The following AKAP13 variants were observed in gnomAD, a reference collection of about 807,000 sequenced individuals.
AKAP13 encodes A-kinase anchor protein 13.
AKAP13 carries 80 observed loss-of-function variants against 264.5 expected under a neutral mutation model. The ratio of observed to expected loss-of-function variants is 0.30; its 90% CI spans 0.25 to 0.36. The LOEUF (loss-of-function observed/expected upper bound fraction) is 0.36, where lower values mean the gene tolerates loss of function less well. Among genes scored for constraint, AKAP13 ranks in the 10% least tolerant of loss-of-function variants. The pLI, the probability that AKAP13 is intolerant of heterozygous loss-of-function variation, is 1.00. For synonymous variants in AKAP13, 1,380 were observed against 1,250.2 expected (o/e 1.10, Z -2.19); for missense variants, 3,712 against 3,435.2 (o/e 1.08, Z -2.01).
intron 2 of AKAP13, among the ~76,000 whole-genome samples, chr15:85,500,314 T>G (rs1034353622): frequency 1.3e-5 from 2 of 152,206 alleles, no homozygotes; most frequent in Non-Finnish European, 2.9e-5. Context: ...CTTGGAACAC[T>G]CTGTGTTTGC....
chr15:85,603,699 G>A (rs1398581389), intron 8 of AKAP13, among the ~76,000 whole-genome samples: 1 of 152,158 alleles, frequency 6.6e-6, no homozygotes, highest in African/African-American at 2.4e-5. Context: ...GAAATTTATT[G>A]TTGTATTCAC....
Position 85,655,594 on chromosome 15 carries a change from G to A in AKAP13, c.4552G>A (p.Ala1518Thr), listed in dbSNP as rs1235573317. The A allele has an allele frequency of 6.2e-7, 1 of 1,614,238 alleles. No homozygotes were observed. The highest frequency in any genetic ancestry group is 1.1e-5 in the South Asian group (1 of 91,090). ...LDGFYSHGMG[A>T]EGRESESEPA... ...TGGATTCTACAGCCATGGGATGGGA[G>A]CTGAGGGTCGAGAAAGTGAGAGTGA... Residue 1518 changes from alanine to threonine, a missense_variant, in exon 11 of 37, where the codon GCT (alanine) becomes ACT (threonine). Ala to Thr is a moderately conservative substitution (Grantham distance 58, BLOSUM62 0). This residue lies in a region of AKAP13 where 2,759 missense variants were observed against 2,411.7 expected (regional missense o/e 1.14). Coordinates refer to ENST00000394518, the MANE Select transcript of AKAP13 (RefSeq NM_007200.5).
chr15:85,456,031 C>T (rs2074269373), intron 1 of AKAP13, among the ~76,000 whole-genome samples: 1 of 152,182 alleles, frequency 6.6e-6, no homozygotes, highest in Non-Finnish European at 1.5e-5. Context: ...TATATACTTT[C>T]ACACATCACC....
intron 2 of AKAP13, among the ~76,000 whole-genome samples, chr15:85,513,107 G>A (rs912278695): frequency 1.3e-5 from 2 of 152,124 alleles, no homozygotes; most frequent in African/African-American, 4.8e-5. Context: ...TCCCGGCCCA[G>A]TGTTGACTAT....
At chr15:85,648,115 A>G (rs2082641431) in intron 10 of AKAP13, among the ~76,000 whole-genome samples, 1 of 152,242 alleles carries the variant, frequency 6.6e-6, no homozygotes, top group South Asian at 2.1e-4. Context: ...CGCAAGGGGA[A>G]TACCATTCTG....
intron 13 of AKAP13, among the ~76,000 whole-genome samples, chr15:85,665,623 C>T (rs1334136598): frequency 1.3e-5 from 2 of 152,166 alleles, no homozygotes; most frequent in African/African-American, 4.8e-5. Flanking sequence ...TGGTTTGCTG[C>T]ACCCATTAAC....
intron 1 of AKAP13, among the ~76,000 whole-genome samples, chr15:85,444,791 C>T (rs1468945567): frequency 1.3e-5 from 2 of 152,102 alleles, no homozygotes; most frequent in African/African-American, 4.8e-5. Context: ...TCTTTGTGTC[C>T]TTAAGCTTTC....
chr15:85,409,872 C>T (rs2071874129), intron 1 of AKAP13, among the ~76,000 whole-genome samples: 1 of 151,342 alleles, frequency 6.6e-6, no homozygotes, highest in Non-Finnish European at 1.5e-5. Context: ...ACCTCATGAT[C>T]CGTCCGCCTC....
intron 6 of AKAP13, among the ~76,000 whole-genome samples, chr15:85,577,530 C>G (rs568948331): frequency 6.6e-6 from 1 of 152,198 alleles, no homozygotes; most frequent in South Asian, 2.1e-4. Context: ...TTTCTAATTG[C>G]AATATGGTCC....
At chr15:85,646,632 A>T (rs1251428489) in intron 10 of AKAP13, among the ~76,000 whole-genome samples, 2 of 152,148 alleles carry the variant, frequency 1.3e-5, no homozygotes, top group Admixed American at 1.3e-4. Flanking sequence ...ATATTTATAA[A>T]CCAGCTGTAG....
chr15:85,634,928 A>G (rs560786528), intron 8 of AKAP13, among the ~76,000 whole-genome samples: 87 of 151,492 alleles, frequency 5.7e-4, no homozygotes, highest in African/African-American at 1.9e-3. Flanking sequence ...CTATGAATCT[A>G]TAACATTGTA....
chr15:85,652,224 C>G (rs942543384), intron 10 of AKAP13, among the ~76,000 whole-genome samples: 1 of 152,102 alleles, frequency 6.6e-6, no homozygotes. Flanking sequence ...ATTTTCCCAC[C>G]TTATTTTAAT....
intron 2 of AKAP13, among the ~76,000 whole-genome samples, chr15:85,515,321 A>G (rs1340475818): frequency 3.6e-5 from 5 of 138,470 alleles, no homozygotes; most frequent in African/African-American, 1.4e-4. Context: ...TATTTGCTTA[A>G]TCATTCTGTC....
intron 1 of AKAP13, among the ~76,000 whole-genome samples, chr15:85,413,312 T>C (rs1319922116): frequency 6.6e-5 from 10 of 152,240 alleles, no homozygotes; most frequent in Non-Finnish European, 5.9e-5. Context: ...GACTGTGGGC[T>C]TAGTTTCTTA....
intron 1 of AKAP13, among the ~76,000 whole-genome samples, chr15:85,385,224 C>T (rs1001303086): frequency 3.3e-5 from 5 of 152,146 alleles, no homozygotes; most frequent in African/African-American, 9.7e-5. Context: ...GAAAGATTAA[C>T]GTTAATTCTA....
intron 33 of AKAP13, among the ~76,000 whole-genome samples, chr15:85,737,664 G>A (rs572894611): frequency 6.6e-6 from 1 of 152,226 alleles, no homozygotes; most frequent in East Asian, 1.9e-4. Context: ...ACAAACCTGA[G>A]CTTATGGAAG....
intron 2 of AKAP13, among the ~76,000 whole-genome samples, chr15:85,508,436 C>A (rs928665669): frequency 6.7e-6 from 1 of 150,152 alleles, no homozygotes; most frequent in African/African-American, 2.4e-5. Context: ...CGCTATCGTG[C>A]CTGGCCTTGT....
At chr15:85,440,370 A>G (rs1432858359) in intron 1 of AKAP13, among the ~76,000 whole-genome samples, 4 of 152,162 alleles carry the variant, frequency 2.6e-5, no homozygotes, top group East Asian at 1.9e-4. Flanking sequence ...CTTTTCCTGG[A>G]ATTTATTCAT....
intron 17 of AKAP13, among the ~76,000 whole-genome samples, chr15:85,697,551 A>G (rs890666538): frequency 7.9e-5 from 12 of 152,222 alleles, no homozygotes; most frequent in African/African-American, 2.7e-4. Flanking sequence ...TCTGGGTGAC[A>G]TAGCGAGACT....
Sources: gnomAD v4.1 joint callset for allele counts (sites outside exome capture counted in the v4.1 genomes callset) on GRCh38, gnomAD v4.1.1 for gene constraint, gnomAD v4.1.1 regional missense constraint, MANE v1.5 for transcripts, NCBI Gene and HGNC (gene_info 2026-07-23, HGNC 2026-07-21) for gene names.